Variants in MGMT observed in about 807,000 individuals in gnomAD.
MGMT encodes the protein O-6-methylguanine-DNA methyltransferase, also known as methylated-DNA--protein-cysteine methyltransferase.
In MGMT, 14 loss-of-function variants were observed where a neutral mutation model predicts 15.9. That is an observed-to-expected ratio of 0.88 (90% CI 0.58 to 1.37). The LOEUF (loss-of-function observed/expected upper bound fraction) is 1.37, where lower values mean the gene tolerates loss of function less well. MGMT is among the 40% of genes most tolerant of loss of function. MGMT has a pLI of 0.00. For synonymous variants in MGMT, 130 were observed against 118.2 expected (o/e 1.10, Z -0.65); for missense variants, 282 against 268.1 (o/e 1.05, Z -0.36).
At chr10:129,582,860 G>T (rs1846573057) in intron 2 of MGMT, among the ~76,000 whole-genome samples, 1 of 152,126 alleles carries the variant, frequency 6.6e-6, no homozygotes, top group Non-Finnish European at 1.5e-5. Context: ...CCTGTGGACA[G>T]AAAGAATTAT....
chr10:129,468,198 C>T (rs1845192014), intron 1 of MGMT, among the ~76,000 whole-genome samples: 2 of 152,328 alleles, frequency 1.3e-5, no homozygotes, highest in East Asian at 3.9e-4. Flanking sequence ...CATCCCTGGG[C>T]AGGTGTCTAG....
chr10:129,468,124 A>G (rs1845190858), intron 1 of MGMT, among the ~76,000 whole-genome samples: 1 of 152,158 alleles, frequency 6.6e-6, no homozygotes, highest in Non-Finnish European at 1.5e-5. Flanking sequence ...CTGGTTATTT[A>G]CATAGACATC....
At chr10:129,504,861 T>C (rs929436341) in intron 1 of MGMT, among the ~76,000 whole-genome samples, 1 of 152,172 alleles carries the variant, frequency 6.6e-6, no homozygotes, top group Admixed American at 6.5e-5. Context: ...CAATTGATTG[T>C]ACTGTAGTGC....
intron 2 of MGMT, among the ~76,000 whole-genome samples, chr10:129,647,647 GA>G (rs1355343686): frequency 6.6e-6 from 1 of 152,080 alleles, no homozygotes; most frequent in Non-Finnish European, 1.5e-5. Flanking sequence ...AATCCAAGAA[GA>G]AAAAACAGTT....
rs114075816 is a variant in MGMT at position 129,714,203 on chromosome 10, T to C, written c.274+6160T>C. On this transcript the variant is annotated intron_variant, in intron 3 of 4. Transcript: ENST00000651593. The stretch of plus-strand genomic sequence containing the variant: ...GGACTGCCTGGCCAGGCCAGCCCAG[T>C]AACAGCGAAGCACACCACTCTCAGC... 5.2e-3 allele frequency among the ~76,000 whole-genome samples: 791 copies of C among 152,336 alleles called. 9 individuals carry two copies. Among genetic ancestry groups the C allele is most frequent in the African/African-American group, 0.019 (773 of 41,580 alleles).
At chr10:129,710,205 G>T (rs1477016393) in intron 3 of MGMT, among the ~76,000 whole-genome samples, 1 of 152,224 alleles carries the variant, frequency 6.6e-6, no homozygotes, top group Non-Finnish European at 1.5e-5. Context: ...TAGCCGCCAG[G>T]ATACTGGTAA....
At chr10:129,607,378 T>C (rs1170884279) in intron 2 of MGMT, among the ~76,000 whole-genome samples, 1 of 152,198 alleles carries the variant, frequency 6.6e-6, no homozygotes, top group African/African-American at 2.4e-5. Context: ...TGAAGAAGTA[T>C]GTTCCTGATC....
At chr10:129,505,002 T>C (rs1845610147) in intron 1 of MGMT, among the ~76,000 whole-genome samples, 1 of 152,184 alleles carries the variant, frequency 6.6e-6, no homozygotes, top group South Asian at 2.1e-4. Context: ...AGATGAAGTT[T>C]TGGAAACTAA....
intron 1 of MGMT, among the ~76,000 whole-genome samples, chr10:129,521,396 A>G (rs1845808927): frequency 6.6e-6 from 1 of 152,168 alleles, no homozygotes; most frequent in Non-Finnish European, 1.5e-5. Context: ...CTCACAGCTC[A>G]CTGCAATTCA....
In MGMT at chr10:129,551,548, C is replaced by T. The variant is rs544415806; in HGVS notation, c.125+15171C>T. 2.0e-5 allele frequency among the ~76,000 whole-genome samples: 3 copies of T among 152,260 alleles called. No homozygotes were observed. In the East Asian group the frequency reaches 5.8e-4, roughly 29 times the overall value. ...GGAGCCCTCATCCCCAGTCTGACAACTCGAGGTAGATCTGGGTTGCTCTTT... is the reference window on the plus strand; with the variant it reads ...GGAGCCCTCATCCCCAGTCTGACAATTCGAGGTAGATCTGGGTTGCTCTTT... On this transcript the variant is annotated intron_variant, in intron 2 of 4. Coordinates refer to ENST00000651593, the MANE Select transcript of MGMT (RefSeq NM_002412.5).
At chr10:129,620,824 C>T (rs946029347) in intron 2 of MGMT, among the ~76,000 whole-genome samples, 2 of 152,040 alleles carry the variant, frequency 1.3e-5, no homozygotes, top group Admixed American at 6.5e-5. Flanking sequence ...TTTAGTCTGC[C>T]GTTTTGCTGA....
chr10:129,713,964 C>T (rs181719606), intron 3 of MGMT, among the ~76,000 whole-genome samples: 136 of 152,364 alleles, frequency 8.9e-4, no homozygotes, highest in Non-Finnish European at 1.0e-3. Flanking sequence ...TCCCGTCACC[C>T]GTCCTGGCTC....
intron 2 of MGMT, among the ~76,000 whole-genome samples, chr10:129,651,328 A>G (rs904914589): frequency 6.6e-6 from 1 of 152,166 alleles, no homozygotes; most frequent in Admixed American, 6.5e-5. Context: ...TGGTGGTCCC[A>G]GGTGACTAAT....
At chr10:129,752,277 T>G (rs1279623248) in intron 3 of MGMT, among the ~76,000 whole-genome samples, 1 of 152,040 alleles carries the variant, frequency 6.6e-6, no homozygotes. Context: ...TGTTCTTAAG[T>G]CTGCTTTGTC....
intron 1 of MGMT, among the ~76,000 whole-genome samples, chr10:129,506,133 C>T (rs530965158): frequency 3.0e-4 from 45 of 152,024 alleles, no homozygotes; most frequent in Non-Finnish European, 3.7e-4. Flanking sequence ...GGGGTGCTGC[C>T]GGCATCCAGT....
chr10:129,766,387 G>A lies in MGMT; in HGVS notation c.415-401G>A, dbSNP rs559013880. Reference sequence around the variant, plus strand: ...CTCTGATGCGTCCTGTGATGCCTGCGTGGTACCTGGGGAGTGTTTGAGAGC... The same window carrying A: ...CTCTGATGCGTCCTGTGATGCCTGCATGGTACCTGGGGAGTGTTTGAGAGC... On this transcript the variant is annotated intron_variant, in intron 4 of 4. Coordinates refer to ENST00000651593, the MANE Select transcript of MGMT (RefSeq NM_002412.5). 3.9e-4 allele frequency among the ~76,000 whole-genome samples: 59 copies of A among 152,342 alleles called. 1 individual carries two copies. The highest frequency in any genetic ancestry group is 9.9e-4 in the African/African-American group (41 of 41,586).
chr10:129,579,350 C>T lies in MGMT; in HGVS notation c.125+42973C>T, dbSNP rs558721304. On this transcript the variant is annotated intron_variant, in intron 2 of 4. Coordinates refer to ENST00000651593, the MANE Select transcript of MGMT (RefSeq NM_002412.5). ...TGTACCTGCCTACCTGTGGCTGGGC[C>T]AGGCCCCAGGAGTCCCGTGGGTCAG... is the stretch of plus-strand genomic sequence containing the variant. Among the ~76,000 whole-genome samples the T allele has an allele frequency of 5.9e-5, 9 of 152,344 alleles. No homozygotes were observed. The East Asian group carries it at 1.7e-3, about 29-fold the overall frequency.
chr10:129,495,184 A>G (rs1021424174), intron 1 of MGMT, among the ~76,000 whole-genome samples: 2 of 152,202 alleles, frequency 1.3e-5, no homozygotes, highest in Non-Finnish European at 2.9e-5. Flanking sequence ...AGTAACTGCT[A>G]TTTGTAAATG....
chr10:129,531,253 C>A (rs1589853117), intron 1 of MGMT, among the ~76,000 whole-genome samples: 1 of 152,114 alleles, frequency 6.6e-6, no homozygotes, highest in East Asian at 1.9e-4. Flanking sequence ...ACTGTGCGGG[C>A]TGTTGGGAGA....
Sources: allele counts gnomAD v4.1 joint callset (sites outside exome capture counted in the v4.1 genomes callset), GRCh38; gene constraint gnomAD v4.1.1; transcripts MANE v1.5; gene names NCBI Gene and HGNC (gene_info 2026-07-23, HGNC 2026-07-21).